Variants in PARD3 observed in about 807,000 individuals in gnomAD.
PARD3 encodes par-3 family cell polarity regulator, also known as partitioning defective 3 homolog.
PARD3 carries 75 observed loss-of-function variants against 155.4 expected under a neutral mutation model. That is an observed-to-expected ratio of 0.48 (90% CI 0.40 to 0.58). The LOEUF (loss-of-function observed/expected upper bound fraction) is 0.58. PARD3 is among the 20% of genes least tolerant of loss of function. The pLI is 0.00. For synonymous variants in PARD3, 576 were observed against 610.5 expected, an observed-to-expected ratio of 0.94 and a Z score of 0.83; for missense variants, 1,642 against 1,721.7, an observed-to-expected ratio of 0.95 and a Z score of 0.82.
intron 2 of PARD3, among the ~76,000 whole-genome samples, chr10:34,612,073 G>A (rs1357943630): frequency 1.3e-5 from 2 of 151,842 alleles, no homozygotes; most frequent in African/African-American, 2.4e-5. Context: ...TGATCCGCCC[G>A]CCTCGGCCTC....
chr10:34,390,640 C>T (rs1037743342), intron 7 of PARD3, among the ~76,000 whole-genome samples: 1 of 152,056 alleles, frequency 6.6e-6, no homozygotes, highest in Non-Finnish European at 1.5e-5. Flanking sequence ...TGACAATCCC[C>T]GTGCCAATAA....
chr10:34,281,258 G>A (rs988754491), intron 21 of PARD3, among the ~76,000 whole-genome samples: 10 of 152,154 alleles, frequency 6.6e-5, no homozygotes, highest in Non-Finnish European at 1.3e-4. Context: ...TCAGAGGCAC[G>A]AAGCACTGAA....
chr10:34,247,218 C>G (rs1338211409), intron 22 of PARD3, among the ~76,000 whole-genome samples: 1 of 152,124 alleles, frequency 6.6e-6, no homozygotes, highest in Non-Finnish European at 1.5e-5. Context: ...TAGAAACAGA[C>G]AGGATAGACA....
chr10:34,264,056 G>T (rs1215416957), intron 22 of PARD3, among the ~76,000 whole-genome samples: 1 of 152,110 alleles, frequency 6.6e-6, no homozygotes, highest in East Asian at 1.9e-4. Flanking sequence ...GACTTGCTAT[G>T]ATTCAACTTA....
chr10:34,344,743 A>C (rs1320973852), intron 15 of PARD3: 1 of 985,346 alleles, frequency 1.0e-6, no homozygotes, highest in Non-Finnish European at 1.2e-6. Flanking sequence ...AAATTCTGTC[A>C]AAAGAGATGA....
At chr10:34,215,755 C>T (rs540585036) in intron 22 of PARD3, among the ~76,000 whole-genome samples, 24 of 152,230 alleles carry the variant, frequency 1.6e-4, no homozygotes, top group African/African-American at 4.6e-4. Flanking sequence ...AAAAAGATAG[C>T]GAATTATATT....
At chr10:34,595,530 C>T (rs1353645368) in intron 2 of PARD3, among the ~76,000 whole-genome samples, 2 of 152,178 alleles carry the variant, frequency 1.3e-5, no homozygotes, top group East Asian at 3.8e-4. Context: ...CTTATCCTAA[C>T]GAGTACCCAG....
Position 34,438,108 on chromosome 10 carries a change from C to A in PARD3, c.714+12209G>T, listed in dbSNP as rs914517636. ...GTGTGATCAGCGGTGATACAGCAGA[C>A]ACCACTGGATACAGGCCAGCGGGGA... On this transcript the variant is annotated intron_variant, in intron 5 of 24. Coordinates refer to ENST00000374788, the MANE Select transcript of PARD3 (RefSeq NM_001184785.2). 3.3e-5 allele frequency among the ~76,000 whole-genome samples: 5 copies of A among 152,182 alleles called. No homozygotes were observed. In the East Asian group the frequency reaches 5.8e-4, roughly 18 times the overall value.
intron 1 of PARD3, among the ~76,000 whole-genome samples, chr10:34,732,977 A>G (rs1175602147): frequency 1.3e-5 from 2 of 152,150 alleles, no homozygotes; most frequent in Non-Finnish European, 2.9e-5. Context: ...TCCTCTATGA[A>G]GACTCCAGTC....
chr10:34,512,624 G>T (rs2081468124), intron 3 of PARD3, among the ~76,000 whole-genome samples: 1 of 152,088 alleles, frequency 6.6e-6, no homozygotes, highest in Non-Finnish European at 1.5e-5. Context: ...GAGTTACTGG[G>T]TTGGTCATTG....
At chr10:34,225,472 A>C (rs1310460300) in intron 22 of PARD3, among the ~76,000 whole-genome samples, 1 of 151,976 alleles carries the variant, frequency 6.6e-6, no homozygotes, top group Admixed American at 6.6e-5. Flanking sequence ...CAGCCTCCCA[A>C]GTAGCTAGGA....
intron 1 of PARD3, among the ~76,000 whole-genome samples, chr10:34,804,339 G>A (rs1011240001): frequency 3.9e-5 from 6 of 152,122 alleles, no homozygotes; most frequent in Admixed American, 2.6e-4. Context: ...ACTTGGCCAA[G>A]ATCAACTTGA....
At chr10:34,387,625 C>A (rs1268857655) in intron 7 of PARD3, among the ~76,000 whole-genome samples, 1 of 152,102 alleles carries the variant, frequency 6.6e-6, no homozygotes, top group East Asian at 1.9e-4. Flanking sequence ...CTATGTTGCC[C>A]AGGCTGGTCT....
chr10:34,110,009 C>T lies in PARD3; in HGVS notation c.*1160G>A, dbSNP rs11009643. Reference sequence around the variant, plus strand: ...GCCACCGAGATCCCCGAGACCCACACACACACTCTAATACTGACGCGAGAG... The same window carrying T: ...GCCACCGAGATCCCCGAGACCCACATACACACTCTAATACTGACGCGAGAG... On this transcript the variant is annotated 3_prime_UTR_variant, in exon 25 of 25. Transcript: ENST00000374788. 11 of 151,964 alleles carry T rather than the reference C, an allele frequency of 7.2e-5. No homozygotes were observed. The highest frequency in any genetic ancestry group is 2.7e-4 in the African/African-American group (11 of 41,346). 9.4% of individuals were successfully genotyped at this position (151,964 alleles called of 1,614,324 possible). A position where few individuals can be genotyped will look rare whatever the true frequency, so the allele number is the denominator to read the frequency against.
chr10:34,599,537 G>A (rs560561070), intron 2 of PARD3, among the ~76,000 whole-genome samples: 7 of 152,298 alleles, frequency 4.6e-5, no homozygotes, highest in African/African-American at 1.7e-4. Context: ...GACTAGGAAT[G>A]TTGTTATCTT....
At chr10:34,549,338 C>T (rs1293694284) in intron 2 of PARD3, among the ~76,000 whole-genome samples, 1 of 152,136 alleles carries the variant, frequency 6.6e-6, no homozygotes, top group Admixed American at 6.5e-5. Context: ...TTTTGATGGA[C>T]CTCATAGTCC....
intron 20 of PARD3, among the ~76,000 whole-genome samples, chr10:34,289,499 T>TAAA (rs1195432198): frequency 9.2e-6 from 1 of 108,646 alleles, no homozygotes; most frequent in Admixed American, 8.3e-5. Context: ...CAGATCTTAA[T>TAAA]AATAATAATA....
intron 5 of PARD3, among the ~76,000 whole-genome samples, chr10:34,408,983 A>C (rs1844778390): frequency 6.6e-6 from 1 of 152,160 alleles, no homozygotes; most frequent in Admixed American, 6.5e-5. Flanking sequence ...ACAAAGCTCA[A>C]CATCAAATTA....
intron 1 of PARD3, among the ~76,000 whole-genome samples, chr10:34,735,230 T>C (rs1293631780): frequency 1.3e-5 from 2 of 152,138 alleles, no homozygotes; most frequent in Non-Finnish European, 2.9e-5. Context: ...AAGACATAAG[T>C]TGTATGTTTC....
Sources: allele counts gnomAD v4.1 joint callset (sites outside exome capture counted in the v4.1 genomes callset), GRCh38; gene constraint gnomAD v4.1.1; transcripts MANE v1.5; gene names NCBI Gene and HGNC (gene_info 2026-07-23, HGNC 2026-07-21).